TFPI: variants seen among roughly 807,000 people sequenced by gnomAD.
TFPI encodes tissue factor pathway inhibitor.
In TFPI, 15 loss-of-function variants were observed where a neutral mutation model predicts 34.6. The observed-to-expected ratio is 0.43, with a 90% CI of 0.29 to 0.67. The LOEUF (loss-of-function observed/expected upper bound fraction) is 0.67, where lower values mean the gene tolerates loss of function less well. TFPI is among the 30% of genes least tolerant of loss of function. TFPI has a pLI of 0.15. For missense variants in TFPI, 301 were observed against 364.0 expected (o/e 0.83, Z 1.41); for synonymous variants, 105 against 120.1 (o/e 0.87, Z 0.82).
At chr2:187,518,939 A>G (rs1687187203) in intron 1 of TFPI, 1 of 152,118 alleles carries the variant, frequency 6.6e-6, no homozygotes, top group African/African-American at 2.4e-5. Flanking sequence ...TGATTCAGCT[A>G]TTGATACTTG....
At chr2:187,469,967 AT>A (rs8176582) in intron 6 of TFPI, among the ~76,000 whole-genome samples, 223 of 152,234 alleles carry the variant, frequency 1.5e-3, no homozygotes, top group African/African-American at 5.0e-3. Flanking sequence ...ATGATTATTA[AT>A]TGCCACCACT....
At chr2:187,495,034 T>A (rs1685379228) in intron 3 of TFPI, among the ~76,000 whole-genome samples, 1 of 152,120 alleles carries the variant, frequency 6.6e-6, no homozygotes, top group Non-Finnish European at 1.5e-5. Flanking sequence ...CAAGTGAATT[T>A]TGATAGATAA....
intron 1 of TFPI, among the ~76,000 whole-genome samples, chr2:187,525,764 A>G (rs1687645031): frequency 6.6e-6 from 1 of 152,112 alleles, no homozygotes; most frequent in African/African-American, 2.4e-5. Flanking sequence ...TCAAGGACAG[A>G]AGGCTCAGAA....
intron 2 of TFPI, chr2:187,499,593 C>G (rs1246592305): frequency 2.0e-5 from 3 of 152,074 alleles, no homozygotes; most frequent in African/African-American, 7.2e-5. Context: ...GTCTGACTTA[C>G]AGCAGGCCCA....
At chr2:187,511,083 C>T (rs960036032) in intron 1 of TFPI, among the ~76,000 whole-genome samples, 9 of 152,192 alleles carry the variant, frequency 5.9e-5, no homozygotes, top group South Asian at 2.1e-4. Flanking sequence ...ATCCTGAGAG[C>T]GCTCCTGGGT....
At position 187,546,308 on chromosome 2, in the gene TFPI, G is replaced by C. The variant is rs1486592039; in HGVS notation, c.-3+7892C>G. Reference sequence around the variant, plus strand: ...TTTTTTTTTTTTTTTTTCAGAAAAAGATTACATTGTTTTCTTTGAATGAAT... The same window carrying C: ...TTTTTTTTTTTTTTTTTCAGAAAAACATTACATTGTTTTCTTTGAATGAAT... On this transcript the variant is annotated intron_variant, in intron 1 of 7. Coordinates refer to ENST00000233156, the MANE Select transcript of TFPI (RefSeq NM_006287.6). Among the ~76,000 whole-genome samples the C allele has an allele frequency of 6.7e-5, 9 of 133,362 alleles. 1 individual carries two copies. 87.5% of individuals were successfully genotyped at this position (133,362 alleles called of 152,430 possible). A position where few individuals can be genotyped will look rare whatever the true frequency, so the allele number is the denominator to read the frequency against.
intron 1 of TFPI, chr2:187,517,272 G>T (rs1242989489): frequency 6.6e-6 from 1 of 152,118 alleles, no homozygotes; most frequent in East Asian, 1.9e-4. Flanking sequence ...GCTTTCTCTT[G>T]TGGGCATTTA....
intron 1 of TFPI, among the ~76,000 whole-genome samples, chr2:187,508,438 T>G (rs1054096050): frequency 6.6e-5 from 10 of 152,194 alleles, no homozygotes; most frequent in Non-Finnish European, 1.3e-4. Context: ...TTCCTATCCA[T>G]GAGCATGAAA....
intron 1 of TFPI, among the ~76,000 whole-genome samples, chr2:187,509,676 T>C (rs1028407283): frequency 6.6e-6 from 1 of 152,170 alleles, no homozygotes; most frequent in African/African-American, 2.4e-5. Context: ...GTCTATTTGC[T>C]TCTTCTCTTT....
chr2:187,479,488 C>G (rs1249043721), intron 6 of TFPI, among the ~76,000 whole-genome samples: 1 of 142,852 alleles, frequency 7.0e-6, no homozygotes, highest in African/African-American at 2.6e-5. Flanking sequence ...CATGTCTATA[C>G]AGCCTGGTTT....
intron 5 of TFPI, 72 bp downstream of exon 5, chr2:187,484,739 T>C: frequency 1.4e-6 from 2 of 1,382,976 alleles, no homozygotes; most frequent in African/African-American, 3.0e-5. Flanking sequence ...GAGTATAGAA[T>C]GCCATCTGAG....
intron 3 of TFPI, among the ~76,000 whole-genome samples, chr2:187,494,709 C>T (rs1685352593): frequency 6.6e-6 from 1 of 152,116 alleles, no homozygotes; most frequent in African/African-American, 2.4e-5. Context: ...CTCAGACATT[C>T]ATACAATAAT....
Position 187,533,560 on chromosome 2 carries a change from C to T in TFPI, c.-3+20640G>A, listed in dbSNP as rs115727141. On this transcript the variant is annotated intron_variant, in intron 1 of 7. Transcript: ENST00000233156. The stretch of plus-strand genomic sequence containing the variant: ...CATCCACACAGAAACCCCACACAAA[C>T]GTCACCAACATCAAAGACGAAAGGT... Among the ~76,000 whole-genome samples, 1,015 of 152,276 alleles carry T rather than the reference C, an allele frequency of 6.7e-3. 7 individuals are homozygous for T. Among genetic ancestry groups the T allele is most frequent in the African/African-American group, 0.023 (958 of 41,550 alleles).
intron 1 of TFPI, among the ~76,000 whole-genome samples, chr2:187,534,343 G>A (rs534162073): frequency 6.6e-6 from 1 of 152,266 alleles, no homozygotes; most frequent in Admixed American, 6.5e-5. Flanking sequence ...CCCATAAAGG[G>A]AAGCCCATCA....
intron 6 of TFPI, among the ~76,000 whole-genome samples, chr2:187,482,450 A>G (rs1692941592): frequency 6.6e-6 from 1 of 152,106 alleles, no homozygotes; most frequent in Non-Finnish European, 1.5e-5. Context: ...CAGAATCACA[A>G]AAGTATTAAT....
intron 4 of TFPI, among the ~76,000 whole-genome samples, chr2:187,488,016 TATC>T (rs1253216371): frequency 6.6e-6 from 1 of 151,362 alleles, no homozygotes; most frequent in Non-Finnish European, 1.5e-5. Flanking sequence ...TAAAACTAAA[TATC>T]ATACTACATT....
chr2:187,522,526 TC>T (rs945241115), intron 1 of TFPI, among the ~76,000 whole-genome samples: 2 of 151,870 alleles, frequency 1.3e-5, no homozygotes, highest in Non-Finnish European at 2.9e-5. Flanking sequence ...ATTTTGTGTT[TC>T]AAAATTTCTT....
chr2:187,547,448 A>C (rs149696256), intron 1 of TFPI: 1 of 152,166 alleles, frequency 6.6e-6, no homozygotes, highest in Non-Finnish European at 1.5e-5. Flanking sequence ...AAAGCTAAGA[A>C]TTCATGATTG....
chr2:187,527,282 A>G (rs960736442), intron 1 of TFPI: 2 of 152,180 alleles, frequency 1.3e-5, no homozygotes, highest in Non-Finnish European at 2.9e-5. Flanking sequence ...CAAAATATTG[A>G]GAATAACTAG....
Sources: gnomAD v4.1 joint callset for allele counts (sites outside exome capture counted in the v4.1 genomes callset) on GRCh38, gnomAD v4.1.1 for gene constraint, MANE v1.5 for transcripts, NCBI Gene and HGNC (gene_info 2026-07-23, HGNC 2026-07-21) for gene names.